Variants in KHDRBS2 observed in about 807,000 individuals in gnomAD.
The protein encoded by KHDRBS2 is KH RNA binding domain containing, signal transduction associated 2, also known as KH domain-containing, RNA-binding, signal transduction-associated protein 2.
Under a neutral mutation model 44.3 loss-of-function variants are expected in KHDRBS2, and 26 were observed. That is an observed-to-expected ratio of 0.59 (90% confidence interval 0.43 to 0.81). The LOEUF (loss-of-function observed/expected upper bound fraction) is 0.81. Ranked by LOEUF, KHDRBS2 falls within the 40% of genes least tolerant of loss-of-function variation. KHDRBS2 has a pLI of 0.00. For missense variants in KHDRBS2, 476 were observed against 433.1 expected (o/e 1.10, Z -0.88); for synonymous variants, 194 against 151.1 (o/e 1.28, Z -2.08).
intron 4 of KHDRBS2, among the ~76,000 whole-genome samples, chr6:61,934,239 T>C (rs1412408224): frequency 6.6e-6 from 1 of 152,202 alleles, no homozygotes; most frequent in African/African-American, 2.4e-5. Flanking sequence ...ATGTTTTCTT[T>C]TTCTTCTGTA....
At chr6:61,880,885 GATAA>G (rs1178548338) in intron 6 of KHDRBS2, among the ~76,000 whole-genome samples, 2 of 151,908 alleles carry the variant, frequency 1.3e-5, no homozygotes, top group Non-Finnish European at 2.9e-5. Flanking sequence ...AAACTACTCT[GATAA>G]ATAAAGGAAA....
At chr6:62,248,557 C>T (rs1836004599) in intron 1 of KHDRBS2, among the ~76,000 whole-genome samples, 1 of 151,954 alleles carries the variant, frequency 6.6e-6, no homozygotes, top group South Asian at 2.1e-4. Context: ...CGGGGTTTCA[C>T]CACGTTGGCC....
chr6:62,282,077 A>G (rs1490203700), intron 1 of KHDRBS2, among the ~76,000 whole-genome samples: 1 of 152,196 alleles, frequency 6.6e-6, no homozygotes, highest in Non-Finnish European at 1.5e-5. Flanking sequence ...AAGCTGTTTT[A>G]GACATGACAC....
rs1323178952 is a variant in KHDRBS2 at position 62,064,612 on chromosome 6, CCTT to C, written c.220-16621_220-16619del. Among the ~76,000 whole-genome samples the C allele has an allele frequency of 4.4e-4, 66 of 149,460 alleles. 1 individual carries two copies. Among genetic ancestry groups the C allele is most frequent in the African/African-American group, 1.5e-3 (62 of 40,808 alleles). Reference sequence around the variant, plus strand: ...GCTGAAACTGGATCCCTTCCTTACACCTTATACAAAAATCAATTCAAGATGGAT... The same window carrying C: ...GCTGAAACTGGATCCCTTCCTTACACATACAAAAATCAATTCAAGATGGAT... On this transcript the variant is annotated intron_variant, in intron 2 of 8. Transcript: ENST00000281156.
intron 3 of KHDRBS2, among the ~76,000 whole-genome samples, chr6:62,035,229 C>A (rs1434882778): frequency 2.6e-5 from 4 of 151,852 alleles, no homozygotes; most frequent in Non-Finnish European, 5.9e-5. Flanking sequence ...GCCAAGAATT[C>A]CAAGCAACCT....
chr6:61,674,728 G>T, the KHDRBS2 span, among the ~76,000 whole-genome samples: 64 of 151,632 alleles, frequency 4.2e-4, 1 homozygote, highest in African/African-American at 1.5e-3. Context: ...GTTAAACATT[G>T]TTTTAGCAAC....
chr6:61,553,040 C>A, the KHDRBS2 span, among the ~76,000 whole-genome samples: 1 of 152,142 alleles, frequency 6.6e-6, no homozygotes, highest in Non-Finnish European at 1.5e-5. Context: ...GGAGGACTCC[C>A]TCTCCTCAAT....
chr6:61,645,963 G>C, the KHDRBS2 span, among the ~76,000 whole-genome samples: 2 of 152,142 alleles, frequency 1.3e-5, no homozygotes, highest in East Asian at 1.9e-4. Context: ...TCCTTGAACA[G>C]TTTCCTGTGC....
chr6:61,923,794 T>C (rs190886476), intron 4 of KHDRBS2, among the ~76,000 whole-genome samples: 1 of 152,196 alleles, frequency 6.6e-6, no homozygotes, highest in Admixed American at 6.6e-5. Flanking sequence ...TAGTCAACAT[T>C]GCACTGGAGG....
chr6:62,009,908 T>C (rs1779981448), intron 3 of KHDRBS2, among the ~76,000 whole-genome samples: 1 of 152,186 alleles, frequency 6.6e-6, no homozygotes, highest in African/African-American at 2.4e-5. Flanking sequence ...GAAGCTCTGC[T>C]AGGGCACTGC....
chr6:61,545,501 C>CTGTGTGTGTGTGTGTGTGTGTGTGTGTG, the KHDRBS2 span, among the ~76,000 whole-genome samples: 5 of 148,334 alleles, frequency 3.4e-5, no homozygotes, highest in Non-Finnish European at 7.5e-5. Context: ...TAGCTAATCT[C>CTGTGTGTGTGTGTGTGTGTGTGTGTGTG]TGTGTGTGTG....
intron 1 of KHDRBS2, among the ~76,000 whole-genome samples, chr6:62,251,811 T>A (rs1563138270): frequency 2.0e-5 from 3 of 151,676 alleles, no homozygotes; most frequent in South Asian, 4.1e-4. Flanking sequence ...CCTGCAGATA[T>A]GCAAAGCCTC....
At chr6:62,238,557 T>G (rs1834073642) in intron 1 of KHDRBS2, among the ~76,000 whole-genome samples, 1 of 152,088 alleles carries the variant, frequency 6.6e-6, no homozygotes, top group African/African-American at 2.4e-5. Context: ...TACAGAAGAA[T>G]TCAAGTTTCT....
At chr6:61,687,439 T>G (rs1369429765) in intron 8 of KHDRBS2, among the ~76,000 whole-genome samples, 1 of 151,784 alleles carries the variant, frequency 6.6e-6, no homozygotes. Context: ...CACTCAGTAA[T>G]CATTTACTCA....
chr6:61,901,483 TG>T (rs1804033888), intron 4 of KHDRBS2, 112 bp from the exon 5 acceptor site: 1 of 830,984 alleles, frequency 1.2e-6, no homozygotes. Flanking sequence ...TTTTTTCATT[TG>T]TTTCCTGGAA....
chr6:62,128,612 A>C (rs766536012), intron 2 of KHDRBS2, among the ~76,000 whole-genome samples: 1 of 151,532 alleles, frequency 6.6e-6, no homozygotes, highest in African/African-American at 2.4e-5. Context: ...TAGAAGTAAC[A>C]CTGTCTCTTA....
At chr6:61,979,074 A>C (rs1773318735) in intron 3 of KHDRBS2, among the ~76,000 whole-genome samples, 1 of 152,120 alleles carries the variant, frequency 6.6e-6, no homozygotes, top group East Asian at 1.9e-4. Flanking sequence ...TATGTGATCC[A>C]TATATTTTGT....
intron 2 of KHDRBS2, among the ~76,000 whole-genome samples, chr6:62,069,917 A>G (rs1213104062): frequency 6.6e-6 from 1 of 151,796 alleles, no homozygotes; most frequent in Non-Finnish European, 1.5e-5. Flanking sequence ...ACTAGTATCT[A>G]CATACATTTT....
chr6:62,040,673 C>T (rs546695511), intron 3 of KHDRBS2, among the ~76,000 whole-genome samples: 204 of 152,230 alleles, frequency 1.3e-3, no homozygotes, highest in Admixed American at 2.7e-3. Context: ...CATGGCCTTT[C>T]GATGTAATTT....
Sources: allele counts gnomAD v4.1 joint callset (sites outside exome capture counted in the v4.1 genomes callset), GRCh38; gene constraint gnomAD v4.1.1; transcripts MANE v1.5; gene names NCBI Gene and HGNC (gene_info 2026-07-23, HGNC 2026-07-21).